The following DUSP5 variants were observed in gnomAD, a reference collection of about 807,000 sequenced individuals.
DUSP5 encodes dual specificity phosphatase 5, also known as dual specificity protein phosphatase 5.
DUSP5 carries 22 observed loss-of-function variants against 33.6 expected under a neutral mutation model. The ratio of observed to expected loss-of-function variants is 0.66; its 90% CI spans 0.47 to 0.94. The LOEUF (loss-of-function observed/expected upper bound fraction) is 0.94, where lower values mean the gene tolerates loss of function less well. DUSP5 is among the 40% of genes least tolerant of loss of function. The pLI is 0.00. For missense variants in DUSP5, 551 were observed against 522.1 expected, an observed-to-expected ratio of 1.06 and a Z score of -0.54; for synonymous variants, 270 against 231.1, an observed-to-expected ratio of 1.17 and a Z score of -1.53.
Position 110,507,083 on chromosome 10 carries a change from A to G in DUSP5, c.677A>G (p.Lys226Arg), listed in dbSNP as rs772676364. 2 of 1,614,182 alleles carry G rather than the reference A, an allele frequency of 1.2e-6. No homozygotes were observed. Among genetic ancestry groups the G allele is most frequent in the Non-Finnish European group, 1.7e-6 (2 of 1,180,020 alleles). The change falls in exon 3 of 4, where the codon AAA (lysine) becomes AGA (arginine). Residue 226 changes from lysine (K) to arginine (R), a missense_variant. This residue lies in a region of DUSP5 where 12 missense variants were observed against 29.9 expected (regional missense o/e 0.40). Transcript: ENST00000369583. ...GCCTGCGCGACCCACCTACACTACA[A>G]ATGGATCCCTGTGGAAGACAGCCAC... Reference protein sequence around the residue: ...SEACATHLHYKWIPVEDSHTA... With the variant: ...SEACATHLHYRWIPVEDSHTA...
rs1285764951 is a variant in DUSP5 at position 110,498,217 on chromosome 10, G to A, written c.96G>A (p.Leu32=). ...RCVVLDCRPY[L]AFAASNVRGS... is the part of the protein sequence containing the mutation. Reference sequence around the variant, plus strand: ...TGGTGCTCGACTGCCGGCCCTATCTGGCCTTCGCTGCCTCGAACGTGCGCG... The same window carrying A: ...TGGTGCTCGACTGCCGGCCCTATCTAGCCTTCGCTGCCTCGAACGTGCGCG... The change falls in exon 1 of 4, where the codon CTG becomes CTA. Residue 32 remains leucine (L), a synonymous_variant. Coordinates refer to ENST00000369583, the MANE Select transcript of DUSP5 (RefSeq NM_004419.4). 2.6e-6 allele frequency: 4 copies of A among 1,513,340 alleles called. No homozygotes were observed. The highest frequency in any genetic ancestry group is 1.7e-4 in the Middle Eastern group (1 of 5,752). 93.7% of individuals were successfully genotyped at this position (1,513,340 alleles called of 1,614,324 possible).
chr10:110,505,441 T>G (rs910911576), intron 2 of DUSP5, among the ~76,000 whole-genome samples: 1 of 152,256 alleles, frequency 6.6e-6, no homozygotes, highest in Non-Finnish European at 1.5e-5. Flanking sequence ...TATTACCGTA[T>G]GTAAAATCTT....
intron 1 of DUSP5, among the ~76,000 whole-genome samples, chr10:110,502,494 C>A (rs1466578642): frequency 6.6e-6 from 1 of 152,218 alleles, no homozygotes; most frequent in Non-Finnish European, 1.5e-5. Flanking sequence ...AAAAGTTAAT[C>A]ATTGCCTCTG....
intron 3 of DUSP5, among the ~76,000 whole-genome samples, chr10:110,507,467 A>G (rs1458289439): frequency 6.6e-6 from 1 of 152,228 alleles, no homozygotes; most frequent in Non-Finnish European, 1.5e-5. Flanking sequence ...GCTCCACACA[A>G]GGAAAGCAGG....
In DUSP5 at chr10:110,508,078, ATTAC is replaced by A. The variant is rs548511615; in HGVS notation, c.748+928_748+931del. ...AAAGGCAGGTGTTAGCACAGCAATA[ATTAC>A]TTAGTGCAGATAGCAATTAAAGGTC... On this transcript the variant is annotated intron_variant, in intron 3 of 3. Transcript: ENST00000369583. Among the ~76,000 whole-genome samples the A allele has an allele frequency of 8.3e-4, 126 of 152,300 alleles. No homozygotes were observed. The Middle Eastern group carries it at 0.014, about 16-fold the overall frequency.
chr10:110,501,020 C>A (rs1038949316), intron 1 of DUSP5, among the ~76,000 whole-genome samples: 16 of 152,354 alleles, frequency 1.1e-4, no homozygotes, highest in Admixed American at 7.8e-4. Flanking sequence ...ATTTCCCCAA[C>A]CTTCGTCCTG....
intron 1 of DUSP5, among the ~76,000 whole-genome samples, chr10:110,501,099 C>T (rs1860041645): frequency 6.6e-6 from 1 of 152,214 alleles, no homozygotes; most frequent in African/African-American, 2.4e-5. Flanking sequence ...TCTCCTGGAA[C>T]CCATAATGTC....
chr10:110,508,337 C>G (rs1004075443), intron 3 of DUSP5, among the ~76,000 whole-genome samples: 1 of 152,086 alleles, frequency 6.6e-6, no homozygotes, highest in Non-Finnish European at 1.5e-5. Flanking sequence ...CCTTCTCAGC[C>G]TGTTATTTAA....
intron 3 of DUSP5, among the ~76,000 whole-genome samples, chr10:110,508,543 G>A (rs916536801): frequency 2.0e-5 from 3 of 152,132 alleles, no homozygotes; most frequent in African/African-American, 7.2e-5. Context: ...TCCCCAGTGA[G>A]CCATGTGCTG....
chr10:110,509,489 G>T (rs968084693), intron 3 of DUSP5, among the ~76,000 whole-genome samples: 2 of 152,200 alleles, frequency 1.3e-5, no homozygotes, highest in Admixed American at 1.3e-4. Context: ...AGACCGGAAG[G>T]CCTCTACCAG....
In DUSP5 at chr10:110,507,026, C is replaced by A. The variant is rs759034486; in HGVS notation, c.620C>A (p.Ala207Asp). 14 of 1,614,160 alleles carry A rather than the reference C, an allele frequency of 8.7e-6. No homozygotes were observed. Among genetic ancestry groups the A allele is most frequent in the Non-Finnish European group, 7.6e-6 (9 of 1,180,060 alleles). The change falls in exon 3 of 4, where the codon GCC becomes GAC. Residue 207 changes from alanine (A) to aspartate (D), a missense_variant. Ala to Asp is a moderately radical substitution (Grantham distance 126). Coordinates refer to ENST00000369583, the MANE Select transcript of DUSP5 (RefSeq NM_004419.4). ...CEFLANLHIT[A>D]LLNVSRRTSE... The stretch of plus-strand genomic sequence containing the variant: ...TTCCTCGCCAACCTGCACATCACAG[C>A]CCTGCTGAATGTCTCCCGACGGACC...
rs747974379 is a variant in DUSP5, at chr10:110,507,170, C to A, written c.748+16C>A. On this transcript the variant is annotated intron_variant, in intron 3 of 3. Transcript: ENST00000369583. ...GACTTCATTGGTAGGTTTAGCCATT[C>A]CCCTTCAGTTATTTTGGGAGCCCCT... 39 of 1,606,822 alleles carry A rather than the reference C, an allele frequency of 2.4e-5. No homozygotes were observed. The highest frequency in any genetic ancestry group is 3.2e-5 in the Non-Finnish European group (38 of 1,177,018).
intron 2 of DUSP5, 51 bp from the exon 3 acceptor site, chr10:110,506,884 A>G: frequency 6.3e-7 from 1 of 1,583,764 alleles, no homozygotes; most frequent in Non-Finnish European, 8.7e-7. Context: ...CCTCTCTCAA[A>G]TGAACAAGCT....
Position 110,502,719 on chromosome 10 carries a change from A to G in DUSP5, c.380-2A>G, listed in dbSNP as rs1177477441. 1.2e-6 allele frequency: 2 copies of G among 1,612,098 alleles called. No individual in the cohort carries two copies. Among genetic ancestry groups the G allele is most frequent in the Non-Finnish European group, 8.5e-7 (1 of 1,179,018 alleles). On this transcript the variant is annotated splice_acceptor_variant, in intron 1 of 3. Transcript: ENST00000369583. LOFTEE classifies it high-confidence loss of function. ...GTCTCACCTTTTTGTTTGTTTTTGT[A>G]GGGGGATATGAGACTTTCTACTCGG...
intron 1 of DUSP5, 86 bp from the exon 2 acceptor site, chr10:110,502,635 C>T (rs1860067869): frequency 6.7e-7 from 1 of 1,486,604 alleles, no homozygotes; most frequent in South Asian, 1.3e-5. Context: ...GTGTAACACT[C>T]AGAGTATTGA....
At position 110,510,647 on chromosome 10, in the gene DUSP5, G is replaced by A; in HGVS notation, c.*221G>A. The A allele has an allele frequency of 1.7e-6, 1 of 591,460 alleles. No individual in the cohort carries two copies. The highest frequency in any genetic ancestry group is 2.9e-6 in the Non-Finnish European group (1 of 350,764). The allele number at this position is 591,460 out of a possible 1,614,324, so 36.6% of individuals were successfully genotyped here. A position where few individuals can be genotyped will look rare whatever the true frequency, so the allele number is the denominator to read the frequency against. ...CCAAGCCATTACGGGAGCACAGCAT[G>A]TGCTGACTACTGTACTTCCAGACCC... is the stretch of plus-strand genomic sequence containing the variant. On this transcript the variant is annotated 3_prime_UTR_variant, in exon 4 of 4. Transcript: ENST00000369583.
At chr10:110,507,201 G>C in intron 3 of DUSP5, 47 bp downstream of exon 3, 2 of 1,578,146 alleles carry the variant, frequency 1.3e-6, no homozygotes, top group Non-Finnish European at 1.7e-6. Flanking sequence ...CCCCTTTGGG[G>C]CATGTGTTCT....
chr10:110,498,540 G>GC, intron 1 of DUSP5, 40 bp downstream of exon 1: 2 of 1,403,488 alleles, frequency 1.4e-6, no homozygotes, highest in Admixed American at 3.0e-5. Flanking sequence ...CCCCTCCGGC[G>GC]CCCCCGGGTC....
At chr10:110,502,920 G>A (rs1011041253) in intron 2 of DUSP5, 51 bp downstream of exon 2, 1 of 1,606,896 alleles carries the variant, frequency 6.2e-7, no homozygotes, top group Non-Finnish European at 8.5e-7. Flanking sequence ...CTGGGCTCCT[G>A]TCTCCCTTCC....
Sources: allele counts gnomAD v4.1 joint callset (sites outside exome capture counted in the v4.1 genomes callset), GRCh38; gene constraint gnomAD v4.1.1; regional missense constraint gnomAD v4.1.1; transcripts MANE v1.5; gene names NCBI Gene and HGNC (gene_info 2026-07-23, HGNC 2026-07-21).